ADGRF1: variants seen among roughly 807,000 people sequenced by gnomAD.
The protein encoded by ADGRF1 is G protein-coupled receptor 110.
A neutral mutation model predicts 87.2 loss-of-function variants in ADGRF1; 85 were observed. The ratio of observed to expected loss-of-function variants is 0.97; its 90% confidence interval spans 0.82 to 1.17. The LOEUF (loss-of-function observed/expected upper bound fraction) is 1.17, where lower values mean the gene tolerates loss of function less well. ADGRF1 is among the 50% of genes most tolerant of loss of function. The pLI, the probability that ADGRF1 is intolerant of heterozygous loss-of-function variation, is 0.00. For missense variants in ADGRF1, 1,169 were observed against 1,077.2 expected, an observed-to-expected ratio of 1.09 and a Z score of -1.19; for synonymous variants, 430 against 408.8, an observed-to-expected ratio of 1.05 and a Z score of -0.63.
At position 47,009,432 on chromosome 6, in the gene ADGRF1, T is replaced by C. The variant is rs1779629149; in HGVS notation, c.2003A>G (p.Tyr668Cys). 6.2e-7 allele frequency: 1 copy of C among 1,613,058 alleles called. No individual in the cohort carries two copies. Residue 668 changes from tyrosine (Y) to cysteine (C), a missense_variant, in exon 11 of 15, where the codon TAC (tyrosine) becomes TGC (cysteine). Coordinates refer to ENST00000371253, the MANE Select transcript of ADGRF1 (RefSeq NM_153840.4). ...GAGCATCCAGAAGAACAAAGAGAGG[T>C]AGAAGAAGTGTGTAAAGAACACAGC... ...TAAVFFTHFF[Y>C]LSLFFWMLML...
chr6:47,033,636 G>A (rs1341060268), intron 1 of ADGRF1, among the ~76,000 whole-genome samples: 3 of 152,262 alleles, frequency 2.0e-5, no homozygotes, highest in African/African-American at 7.2e-5. Context: ...GAAAAGAGCA[G>A]GTCTCCACAT....
At position 47,009,372 on chromosome 6, in the gene ADGRF1, A is replaced by T; in HGVS notation, c.2063T>A (p.Leu688His). ...ATGCTGGGCCATGTGATGGAACACG[A>T]GGATGATCCGGTAAGCCAGCAGGAT... is the stretch of plus-strand genomic sequence containing the variant. ...LGILLAYRII[L>H]VFHHMAQHLM... The change falls in exon 11 of 15, where the codon CTC becomes CAC. Residue 688 changes from leucine (L) to histidine (H), a missense_variant. Physicochemically the swap from Leu to His is moderately conservative, Grantham distance 99. Transcript: ENST00000371253. The T allele has an allele frequency of 6.2e-7, 1 of 1,614,158 alleles. No homozygotes were observed. The highest frequency in any genetic ancestry group is 8.5e-7 in the Non-Finnish European group (1 of 1,180,014).
intron 7 of ADGRF1, chr6:47,018,524 T>G: frequency 7.8e-7 from 1 of 1,289,786 alleles, no homozygotes; most frequent in Non-Finnish European, 1.0e-6. Context: ...AGTATTTTCC[T>G]GCTTGTTATA....
At position 46,999,440 on chromosome 6, in the gene ADGRF1, C is replaced by T. The variant is rs1779300144; in HGVS notation, c.*782G>A. The T allele has an allele frequency of 6.6e-6, 1 of 151,934 alleles. No homozygotes were observed. Among genetic ancestry groups the T allele is most frequent in the Admixed American group, 6.5e-5 (1 of 15,268 alleles). The allele number at this position is 151,934 out of a possible 1,614,324, so 9.4% of individuals were successfully genotyped here. A position where few individuals can be genotyped will look rare whatever the true frequency, so the allele number is the denominator to read the frequency against. On this transcript the variant is annotated 3_prime_UTR_variant, in exon 15 of 15. Coordinates refer to ENST00000371253, the MANE Select transcript of ADGRF1 (RefSeq NM_153840.4). ...TGGGAGACAAATGTCCTAAAAATCC[C>T]CAATTTCCCTTAACTGGCTTCACAA...
chr6:47,000,140 T>C lies in ADGRF1; in HGVS notation c.*82A>G. The C allele has an allele frequency of 4.8e-6, 5 of 1,049,290 alleles. No individual in the cohort carries two copies. Among genetic ancestry groups the C allele is most frequent in the Non-Finnish European group, 7.3e-6 (5 of 680,902 alleles). The allele number at this position is 1,049,290 out of a possible 1,614,324, so 65.0% of individuals were successfully genotyped here. On this transcript the variant is annotated 3_prime_UTR_variant, in exon 15 of 15. Coordinates refer to ENST00000371253, the MANE Select transcript of ADGRF1 (RefSeq NM_153840.4). ...TAAATCAGAAAACCCGATCGAATAC[T>C]GAGCATAATTTCTTCATTGACATTT...
rs566328626 is a variant in ADGRF1, at chr6:47,024,140, G to C, written c.355C>G (p.Pro119Ala). 10 of 1,614,008 alleles carry C rather than the reference G, an allele frequency of 6.2e-6. No homozygotes were observed. The African/African-American group carries it at 1.3e-4, about 22-fold the overall frequency. The part of the protein sequence containing the change: ...YTWFPPSCLD[P>A]QNCYLHTAGA... ...GCCGTGTGAAGGTAGCAGTTCTGGG[G>C]ATCAAGGCATGAGGGAGGAAACCAG... Residue 119 changes from proline (P) to alanine (A), a missense_variant, in exon 5 of 15, where the codon CCC becomes GCC. Pro to Ala is a conservative substitution (Grantham distance 27). Coordinates refer to ENST00000371253, the MANE Select transcript of ADGRF1 (RefSeq NM_153840.4).
intron 7 of ADGRF1, chr6:47,019,683 C>CAAAAAAAAA (rs34917344): frequency 1.8e-6 from 1 of 557,824 alleles, no homozygotes; most frequent in Non-Finnish European, 2.2e-6. Flanking sequence ...GACTCCATCT[C>CAAAAAAAAA]AAAAAAAAAA....
Position 47,026,418 on chromosome 6 carries a change from C to T in ADGRF1, c.128-415G>A, listed in dbSNP as rs968432402. On this transcript the variant is annotated intron_variant, in intron 3 of 14. Coordinates refer to ENST00000371253, the MANE Select transcript of ADGRF1 (RefSeq NM_153840.4). ...TCCTTGAAGTATCTCCAGTATAAGA[C>T]CCCTCAATCTCACACTTACAAAGAG... is the stretch of plus-strand genomic sequence containing the variant. 3.3e-5 allele frequency among the ~76,000 whole-genome samples: 5 copies of T among 150,426 alleles called. 1 individual carries two copies. In the East Asian group the frequency reaches 7.9e-4, roughly 24 times the overall value.
rs893719396 is a variant in ADGRF1 at position 47,027,492 on chromosome 6, C to A, written c.127+212G>T. On this transcript the variant is annotated intron_variant, in intron 3 of 14. Coordinates refer to ENST00000371253, the MANE Select transcript of ADGRF1 (RefSeq NM_153840.4). ...AAGGGCGTGTGTGAACAGCTACTTG[C>A]CAGGTCTGATGTAAGACACTGTGCT... Among the ~76,000 whole-genome samples the A allele has an allele frequency of 6.6e-5, 10 of 152,188 alleles. No individual in the cohort carries two copies. In the South Asian group the frequency reaches 1.2e-3, roughly 19 times the overall value.
At chr6:47,004,204 A>G (rs1320566533) in intron 13 of ADGRF1, among the ~76,000 whole-genome samples, 1 of 152,162 alleles carries the variant, frequency 6.6e-6, no homozygotes, top group East Asian at 1.9e-4. Context: ...CTTGGCAGGA[A>G]TATTCATCAA....
chr6:47,018,552 T>G, intron 7 of ADGRF1: 2 of 1,289,596 alleles, frequency 1.6e-6, no homozygotes. Context: ...TTTAGTGAAG[T>G]TAAACCAGGT....
chr6:47,018,371 T>A (rs1253891460), intron 7 of ADGRF1: 3 of 1,255,712 alleles, frequency 2.4e-6, no homozygotes, highest in Admixed American at 2.6e-5. Flanking sequence ...AAATTATTAA[T>A]TACTAATTGA....
At chr6:47,001,605 G>C (rs746561276) in intron 13 of ADGRF1, 38 bp from the exon 14 acceptor site, 2 of 1,532,306 alleles carry the variant, frequency 1.3e-6, no homozygotes, top group Non-Finnish European at 1.8e-6. Flanking sequence ...GACATTAATA[G>C]CATTCTTTTA....
chr6:47,001,835 C>T (rs749819314), intron 13 of ADGRF1: 43 of 318,524 alleles, frequency 1.3e-4, no homozygotes, highest in Non-Finnish European at 2.0e-4. Flanking sequence ...GTTTTAAAGG[C>T]GGCATTATCC....
chr6:47,020,659 A>T, intron 7 of ADGRF1, 72 bp downstream of exon 7: 2 of 1,593,396 alleles, frequency 1.3e-6, no homozygotes, highest in East Asian at 4.5e-5. Flanking sequence ...TCACCTAAAA[A>T]CAGCACTCTG....
chr6:47,008,945 C>G lies in ADGRF1; in HGVS notation c.2490G>C (p.Gln830His), dbSNP rs753315090. The G allele has an allele frequency of 6.9e-6, 11 of 1,585,814 alleles. No individual in the cohort carries two copies. The South Asian group carries it at 1.0e-4, about 15-fold the overall frequency. ...HVIFALLNAF[Q>H]GFFILCFGIL... Reference sequence around the variant, plus strand: ...AATAGGTTATTGTTACTGTTCTCACCTGGAATGCATTGAGTAAAGCAAAAA... The same window carrying G: ...AATAGGTTATTGTTACTGTTCTCACGTGGAATGCATTGAGTAAAGCAAAAA... The change falls in exon 11 of 15, where the codon CAG becomes CAC. Residue 830 changes from glutamine (Q) to histidine (H), a missense_variant and splice_region_variant. By Grantham distance (24) the Gln-to-His change is conservative (BLOSUM62 0). Coordinates refer to ENST00000371253, the MANE Select transcript of ADGRF1 (RefSeq NM_153840.4).
At chr6:47,033,211 C>T (rs1037990510) in intron 1 of ADGRF1, among the ~76,000 whole-genome samples, 1 of 152,198 alleles carries the variant, frequency 6.6e-6, no homozygotes, top group African/African-American at 2.4e-5. Flanking sequence ...CGTGGGAAGG[C>T]TTGGCCATGG....
intron 2 of ADGRF1, 27 bp from the exon 3 acceptor site, chr6:47,027,788 G>A (rs143033237): frequency 3.7e-5 from 48 of 1,303,156 alleles, no homozygotes; most frequent in African/African-American, 2.2e-4. Context: ...AAATAGTTAC[G>A]GTGAGACTTT....
At chr6:47,017,138 A>T (rs1779908646) in intron 7 of ADGRF1, 1 of 152,376 alleles carries the variant, frequency 6.6e-6, no homozygotes, top group African/African-American at 2.4e-5. Flanking sequence ...AGCACAAGTA[A>T]AGGTCCTAAG....
Sources: allele counts gnomAD v4.1 joint callset (sites outside exome capture counted in the v4.1 genomes callset), GRCh38; gene constraint gnomAD v4.1.1; transcripts MANE v1.5; gene names NCBI Gene and HGNC (gene_info 2026-07-23, HGNC 2026-07-21).